KLHL38: variants seen among roughly 807,000 people sequenced by gnomAD.
The protein encoded by KLHL38 is kelch like family member 38.
Under a neutral mutation model 39.6 loss-of-function variants are expected in KLHL38, and 38 were observed. That is an observed-to-expected ratio of 0.96 (90% CI 0.74 to 1.26). The LOEUF is 1.26. Among genes scored for constraint, KLHL38 ranks in the 50% most tolerant of loss-of-function variants. The probability of loss-of-function intolerance (pLI) is 0.00; values close to 1 mark genes in which losing one functional copy is unlikely to be tolerated. For synonymous variants in KLHL38, 322 were observed against 302.2 expected, an observed-to-expected ratio of 1.07 and a Z score of -0.68; for missense variants, 803 against 748.1, an observed-to-expected ratio of 1.07 and a Z score of -0.86.
At chr8:123,650,501 T>G (rs927868066) in intron 2 of KLHL38, among the ~76,000 whole-genome samples, 1 of 152,126 alleles carries the variant, frequency 6.6e-6, no homozygotes, top group Non-Finnish European at 1.5e-5. Context: ...ATGTGTAAAT[T>G]GCTGGGTCTC....
intron 2 of KLHL38, among the ~76,000 whole-genome samples, chr8:123,649,964 C>T (rs576508375): frequency 6.6e-6 from 1 of 152,154 alleles, no homozygotes; most frequent in Non-Finnish European, 1.5e-5. Context: ...ACTCCCCCTC[C>T]CTCAAGAGAG....
intron 2 of KLHL38, among the ~76,000 whole-genome samples, chr8:123,649,320 G>C (rs1450529736): frequency 1.3e-5 from 2 of 152,254 alleles, no homozygotes; most frequent in African/African-American, 4.8e-5. Context: ...AGAGGAGTGG[G>C]ATTTGGAACA....
In KLHL38 at chr8:123,645,836, G is replaced by A. The variant is rs918426501; in HGVS notation, c.1649C>T (p.Thr550Met). ...CTGTCCCTGGGATGTCCAGGTGTCC[G>A]TCTCGGGGTCGTAGCAATCGAAGGA... is the stretch of plus-strand genomic sequence containing the variant. ...SASFDCYDPE[T>M]DTWTSQGQLP... The change falls in exon 4 of 4, where the codon ACG becomes ATG. Residue 550 changes from threonine (T) to methionine (M), a missense_variant. Thr to Met is a moderately conservative substitution (Grantham distance 81). Transcript: ENST00000684634. 7 of 1,613,790 alleles carry A rather than the reference G, an allele frequency of 4.3e-6. No homozygotes were observed. The highest frequency in any genetic ancestry group is 1.7e-5 in the Admixed American group (1 of 59,998).
intron 3 of KLHL38, 105 bp from the exon 4 acceptor site, chr8:123,646,133 C>T (rs1479602940): frequency 9.5e-7 from 1 of 1,048,544 alleles, no homozygotes; most frequent in African/African-American, 1.6e-5. Context: ...AAGGCTGAGG[C>T]TGGGGCTCTG....
rs527411778 is a variant in KLHL38 at position 123,644,546 on chromosome 8, T to C, written c.*1193A>G. ...CTGGAATTTCAATGTACTACATCCA[T>C]AGAATGCAGAAAAACAAGGTCAGGG... On this transcript the variant is annotated 3_prime_UTR_variant, in exon 4 of 4. Coordinates refer to ENST00000684634, the MANE Select transcript of KLHL38 (RefSeq NM_001081675.3). 1.2e-4 allele frequency among the ~76,000 whole-genome samples: 19 copies of C among 152,326 alleles called. No homozygotes were observed. Among genetic ancestry groups the C allele is most frequent in the South Asian group, 4.1e-4 (2 of 4,830 alleles).
At chr8:123,653,199 CAAACT>C (rs1177767696) in intron 1 of KLHL38, among the ~76,000 whole-genome samples, 10 of 152,202 alleles carry the variant, frequency 6.6e-5, no homozygotes, top group African/African-American at 1.9e-4. Context: ...ACCAAACAAA[CAAACT>C]AAAGTTGTTG....
rs370825012 is a variant in KLHL38, at chr8:123,651,588, G to T, written c.1339C>A (p.Arg447Ser). 1.5e-5 allele frequency: 23 copies of T among 1,579,188 alleles called. No homozygotes were observed. Among genetic ancestry groups the T allele is most frequent in the South Asian group, 1.2e-5 (1 of 85,120 alleles). The change falls in exon 2 of 4, where the codon CGC (arginine) becomes AGC (serine). Residue 447 changes from arginine (R) to serine (S), a missense_variant. Physicochemically the swap from Arg to Ser is moderately radical, Grantham distance 110. Transcript: ENST00000684634. ...GGEDIMQNPV[R>S]LIQVYHISRN... ...AACCGGCCATTTACCTGGATAAGGC[G>T]CACAGGGTTCTGCATGATGTCCTCT...
chr8:123,648,936 T>A (rs13270650), intron 2 of KLHL38, among the ~76,000 whole-genome samples: 122,127 of 152,128 alleles, frequency 0.8, 49,196 homozygotes, highest in African/African-American at 0.82. Context: ...TATATTCGAA[T>A]GAGTAGAATG....
chr8:123,645,748 G>A lies in KLHL38; in HGVS notation c.1737C>T (p.Gly579=), dbSNP rs200544251. Residue 579 remains glycine (G), a synonymous_variant, in exon 4 of 4, where the codon GGC becomes GGT. Transcript: ENST00000684634. ...AGGTTTCTTGTCGACCTCATGGGAG[G>A]CCAGACGTGCGGGGTATGCACTGGA... The part of the protein sequence containing the change: ...LTLQCIPRTS[G]LP The A allele has an allele frequency of 9.9e-6, 16 of 1,613,112 alleles. No individual in the cohort carries two copies. The highest frequency in any genetic ancestry group is 1.4e-5 in the Non-Finnish European group (16 of 1,179,314).
At position 123,645,841 on chromosome 8, in the gene KLHL38, G is replaced by A. The variant is rs370983185; in HGVS notation, c.1644C>T (p.Pro548=). Residue 548 remains proline, a synonymous_variant, in exon 4 of 4, where the codon CCC becomes CCT. Coordinates refer to ENST00000684634, the MANE Select transcript of KLHL38 (RefSeq NM_001081675.3). ...CCTGGGATGTCCAGGTGTCCGTCTCGGGGTCGTAGCAATCGAAGGAGGCGG... is the reference window on the plus strand; with the variant it reads ...CCTGGGATGTCCAGGTGTCCGTCTCAGGGTCGTAGCAATCGAAGGAGGCGG... ...EDSASFDCYD[P]ETDTWTSQGQ... 38 of 1,613,778 alleles carry A rather than the reference G, an allele frequency of 2.4e-5. No individual in the cohort carries two copies. The highest frequency in any genetic ancestry group is 1.5e-4 in the Admixed American group (9 of 59,986).
chr8:123,646,062 G>A (rs761360680), intron 3 of KLHL38, 34 bp from the exon 4 acceptor site: 18 of 1,595,162 alleles, frequency 1.1e-5, no homozygotes, highest in Non-Finnish European at 1.5e-5. Context: ...CAAGCTCAGT[G>A]TTGCTCATCT....
intron 3 of KLHL38, 93 bp from the exon 4 acceptor site, chr8:123,646,121 G>A (rs753247219): frequency 1.9e-5 from 22 of 1,131,984 alleles, no homozygotes; most frequent in African/African-American, 3.0e-5. Flanking sequence ...CTGCCACTGC[G>A]TAAGGCTGAG....
At chr8:123,651,187 A>C (rs889563348) in intron 2 of KLHL38, among the ~76,000 whole-genome samples, 3 of 152,042 alleles carry the variant, frequency 2.0e-5, no homozygotes, top group Non-Finnish European at 4.4e-5. Flanking sequence ...ATGTGTGTAC[A>C]TGGGTGCACA....
intron 2 of KLHL38, 112 bp downstream of exon 2, chr8:123,651,465 T>C: frequency 9.3e-7 from 1 of 1,077,808 alleles, no homozygotes; most frequent in Non-Finnish European, 1.3e-6. Context: ...TATGTGCATA[T>C]ATGTGTTTTT....
At position 123,644,621 on chromosome 8, in the gene KLHL38, G is replaced by A. The variant is rs1015634983; in HGVS notation, c.*1118C>T. ...ACCAAGCAGTTCCAGGAATCCTCTG[G>A]GTTCTCTCAGCCCTCTTGTTCCAGA... On this transcript the variant is annotated 3_prime_UTR_variant, in exon 4 of 4. Transcript: ENST00000684634. Among the ~76,000 whole-genome samples the A allele has an allele frequency of 1.3e-5, 2 of 152,194 alleles. No homozygotes were observed. Among genetic ancestry groups the A allele is most frequent in the Admixed American group, 1.3e-4 (2 of 15,282 alleles).
chr8:123,644,808 A>G lies in KLHL38; in HGVS notation c.*931T>C, dbSNP rs139462810. 6.6e-6 allele frequency among the ~76,000 whole-genome samples: 1 copy of G among 152,346 alleles called. No individual in the cohort carries two copies. The highest frequency in any genetic ancestry group is 1.9e-4 in the East Asian group (1 of 5,186). ...TCCAGGACTAGCCAGTCCTGGCAAC[A>G]GTGATTGGCTCAAGAGGTAGACATG... is the stretch of plus-strand genomic sequence containing the variant. On this transcript the variant is annotated 3_prime_UTR_variant, in exon 4 of 4. Transcript: ENST00000684634.
chr8:123,652,965 G>C, intron 1 of KLHL38, 38 bp from the exon 2 acceptor site: 1 of 1,549,100 alleles, frequency 6.5e-7, no homozygotes, highest in Admixed American at 1.8e-5. Context: ...GTCAGCAAGA[G>C]TCAAACCTTT....
At chr8:123,650,015 A>G (rs1379252447) in intron 2 of KLHL38, among the ~76,000 whole-genome samples, 3 of 151,962 alleles carry the variant, frequency 2.0e-5, no homozygotes, top group Non-Finnish European at 2.9e-5. Context: ...AGCTTCCTGC[A>G]TCTCCCTCTA....
In KLHL38 at chr8:123,652,724, C is replaced by T. The variant is rs372548823; in HGVS notation, c.203G>A (p.Arg68Gln). Residue 68 changes from arginine to glutamine, a missense_variant, in exon 2 of 4, where the codon CGG becomes CAG. Arg to Gln is a conservative substitution (Grantham distance 43). Transcript: ENST00000684634. ...YFRAMFCSSF[R>Q]EKSEAKVQLK... is the part of the protein sequence containing the mutation. ...CTGCACTTTGGCTTCACTCTTCTCC[C>T]GGAAGCTGCTGCAGAACATAGCCCT... is the stretch of plus-strand genomic sequence containing the variant. 463 of 1,614,150 alleles carry T rather than the reference C, an allele frequency of 2.9e-4. No individual in the cohort carries two copies. The highest frequency in any genetic ancestry group is 3.6e-4 in the Non-Finnish European group (419 of 1,179,992).
Sources: gnomAD v4.1 joint callset for allele counts (sites outside exome capture counted in the v4.1 genomes callset) on GRCh38, gnomAD v4.1.1 for gene constraint, MANE v1.5 for transcripts, NCBI Gene and HGNC (gene_info 2026-07-23, HGNC 2026-07-21) for gene names.